The following DISP1 variants were observed in gnomAD, a reference collection of about 807,000 sequenced individuals.
DISP1 encodes the protein protein dispatched homolog 1.
DISP1 carries 30 observed loss-of-function variants against 37.3 expected under a neutral mutation model. The ratio of observed to expected loss-of-function variants is 0.80; its 90% CI spans 0.60 to 1.09. The LOEUF (loss-of-function observed/expected upper bound fraction) is 1.09, where lower values mean the gene tolerates loss of function less well. Ranked by LOEUF, DISP1 falls within the 50% of genes least tolerant of loss-of-function variation. DISP1 has a pLI of 0.00. For missense variants in DISP1, 1,598 were observed against 1,879.5 expected, an observed-to-expected ratio of 0.85 and a Z score of 2.77; for synonymous variants, 634 against 690.2, an observed-to-expected ratio of 0.92 and a Z score of 1.28.
chr1:222,945,835 C>T (rs889983324), intron 3 of DISP1: 4 of 152,072 alleles, frequency 2.6e-5, no homozygotes, highest in Non-Finnish European at 4.4e-5. Context: ...AGCTAACTGC[C>T]TTCTGGAAAA....
intron 2 of DISP1, among the ~76,000 whole-genome samples, chr1:222,936,897 T>TG (rs1491542918): frequency 8.5e-4 from 35 of 41,166 alleles, no homozygotes; most frequent in African/African-American, 2.5e-3. Flanking sequence ...TAATATATTA[T>TG]TTATATATAA....
intron 2 of DISP1, among the ~76,000 whole-genome samples, chr1:222,936,173 G>A (rs985720347): frequency 6.6e-6 from 1 of 152,156 alleles, no homozygotes; most frequent in African/African-American, 2.4e-5. Flanking sequence ...GTATAGGTTT[G>A]TAGCCTAGGA....
intron 1 of DISP1, among the ~76,000 whole-genome samples, chr1:222,829,161 T>G (rs1486294129): frequency 2.0e-5 from 3 of 152,208 alleles, no homozygotes; most frequent in Non-Finnish European, 2.9e-5. Flanking sequence ...GAAAAAAATC[T>G]GAGAAAGATC....
At chr1:222,926,384 T>C (rs1673086364) in intron 1 of DISP1, among the ~76,000 whole-genome samples, 2 of 152,216 alleles carry the variant, frequency 1.3e-5, no homozygotes, top group African/African-American at 4.8e-5. Context: ...TGAATATTCA[T>C]GTACAGGTTT....
At chr1:222,869,335 T>C (rs1669385188) in intron 1 of DISP1, among the ~76,000 whole-genome samples, 1 of 152,198 alleles carries the variant, frequency 6.6e-6, no homozygotes, top group African/African-American at 2.4e-5. Context: ...TTATGTAAAA[T>C]TTAAATAGCA....
rs202124073 is a variant in DISP1, at chr1:223,002,435, C to T, written c.1038C>T (p.Ala346=). ...ATCTCTGCCAGAGGACCACTGCTGC[C>T]TCCTGCTGCCCCAGCTGGACACTGG... ...FGDLCQRTTA[A]SCCPSWTLGN... The change falls in exon 9 of 9, where the codon GCC becomes GCT. Residue 346 remains alanine (A), a synonymous_variant. Coordinates refer to ENST00000675850, the MANE Select transcript of DISP1 (RefSeq NM_001377229.1). 1.9e-6 allele frequency: 3 copies of T among 1,614,128 alleles called. No individual in the cohort carries two copies. In the East Asian group the frequency reaches 6.7e-5, roughly 36 times the overall value.
chr1:222,907,291 G>C (rs1240039261), intron 1 of DISP1, among the ~76,000 whole-genome samples: 1 of 152,218 alleles, frequency 6.6e-6, no homozygotes, highest in Non-Finnish European at 1.5e-5. Flanking sequence ...TGAATGTCTA[G>C]TCTAAGTAAA....
At chr1:222,857,827 A>C (rs1480165623) in intron 1 of DISP1, among the ~76,000 whole-genome samples, 3 of 152,238 alleles carry the variant, frequency 2.0e-5, no homozygotes, top group Non-Finnish European at 4.4e-5. Flanking sequence ...GATAGGAAGA[A>C]TCAATATCGT....
At chr1:222,907,384 C>A (rs1671959219) in intron 1 of DISP1, among the ~76,000 whole-genome samples, 1 of 152,172 alleles carries the variant, frequency 6.6e-6, no homozygotes, top group Non-Finnish European at 1.5e-5. Context: ...CACTTAGCAG[C>A]TTTAGCATCA....
In DISP1 at chr1:222,910,202, A is replaced by G. The variant is rs1672132974; in HGVS notation, c.-158-18228A>G. Among the ~76,000 whole-genome samples, 3 of 152,164 alleles carry G rather than the reference A, an allele frequency of 2.0e-5. No individual in the cohort carries two copies. In the South Asian group the frequency reaches 6.2e-4, roughly 32 times the overall value. On this transcript the variant is annotated intron_variant, in intron 1 of 8. Coordinates refer to ENST00000675850, the MANE Select transcript of DISP1 (RefSeq NM_001377229.1). ...ACATGGCAAAACCCTGTCTCTATAA[A>G]AAAATACAGAAAATAGCAGATATGG... is the stretch of plus-strand genomic sequence containing the variant.
chr1:222,870,419 G>A (rs1572386509), intron 1 of DISP1, among the ~76,000 whole-genome samples: 1 of 152,130 alleles, frequency 6.6e-6, no homozygotes, highest in Admixed American at 6.5e-5. Flanking sequence ...GTGTAAAAGT[G>A]TTCCTATTTC....
intron 1 of DISP1, among the ~76,000 whole-genome samples, chr1:222,853,220 T>C (rs1360063810): frequency 6.6e-6 from 1 of 152,152 alleles, no homozygotes; most frequent in Non-Finnish European, 1.5e-5. Context: ...ATCCCACCGT[T>C]AGGATGGCTG....
At chr1:222,911,205 GT>G (rs1363434244) in intron 1 of DISP1, among the ~76,000 whole-genome samples, 19 of 152,248 alleles carry the variant, frequency 1.2e-4, no homozygotes, top group African/African-American at 4.3e-4. Context: ...GTTAAAACCT[GT>G]TTTTGCTTTG....
chr1:222,957,120 C>T (rs1675656804), intron 3 of DISP1, among the ~76,000 whole-genome samples: 1 of 135,254 alleles, frequency 7.4e-6, no homozygotes. Flanking sequence ...TTTCTAATTG[C>T]TCTAAACTAT....
chr1:222,946,475 A>G (rs935289106), intron 3 of DISP1, among the ~76,000 whole-genome samples: 2 of 151,756 alleles, frequency 1.3e-5, no homozygotes, highest in African/African-American at 4.8e-5. Flanking sequence ...GAGGAATGGT[A>G]TGTGTCCATT....
At position 222,978,688 on chromosome 1, in the gene DISP1, A is replaced by G. The variant is rs1407568896; in HGVS notation, c.510-4392A>G. Among the ~76,000 whole-genome samples the G allele has an allele frequency of 5.9e-5, 9 of 152,052 alleles. No individual in the cohort carries two copies. In the South Asian group the frequency reaches 1.5e-3, roughly 25 times the overall value. ...TTAAGTCTTTAATCCATCTTGAATT[A>G]ATTTTTGTATAAGGTGTAAGGAAGG... On this transcript the variant is annotated intron_variant, in intron 3 of 8. Transcript: ENST00000675850.
At chr1:222,856,706 GTTT>G (rs11441357) in intron 1 of DISP1, among the ~76,000 whole-genome samples, 2 of 132,020 alleles carry the variant, frequency 1.5e-5, no homozygotes, top group Non-Finnish European at 3.2e-5. Context: ...ATTATAATTC[GTTT>G]TTTTTTTTTT....
intron 1 of DISP1, among the ~76,000 whole-genome samples, chr1:222,870,378 ATGGTTGAAC>A (rs1160301658): frequency 1.3e-5 from 2 of 152,230 alleles, no homozygotes; most frequent in Non-Finnish European, 2.9e-5. Flanking sequence ...GACTTCCACA[ATGGTTGAAC>A]TAGTTTACAG....
chr1:222,979,146 C>T (rs867890742), intron 3 of DISP1, among the ~76,000 whole-genome samples: 29 of 152,308 alleles, frequency 1.9e-4, no homozygotes, highest in African/African-American at 6.0e-4. Flanking sequence ...CAGGGGCTCA[C>T]GCCTGTAATC....
Sources: allele counts gnomAD v4.1 joint callset (sites outside exome capture counted in the v4.1 genomes callset), GRCh38; gene constraint gnomAD v4.1.1; transcripts MANE v1.5; gene names NCBI Gene and HGNC (gene_info 2026-07-23, HGNC 2026-07-21).